Variants in TMEM130 observed in about 807,000 individuals in gnomAD.
TMEM130 encodes transmembrane protein 130.
A neutral mutation model predicts 42.9 loss-of-function variants in TMEM130; 37 were observed. That is an observed-to-expected ratio of 0.86 (90% CI 0.66 to 1.13). The LOEUF is 1.13. TMEM130 is among the 50% of genes most tolerant of loss of function. The pLI, the probability that TMEM130 is intolerant of heterozygous loss-of-function variation, is 0.00. For missense variants in TMEM130, 545 were observed against 562.6 expected (o/e 0.97, Z 0.32); for synonymous variants, 259 against 237.7 (o/e 1.09, Z -0.82).
In TMEM130 at chr7:98,856,180, G is replaced by C. The variant is rs997267346; in HGVS notation, c.555C>G (p.Thr185=). 1 of 1,613,432 alleles carries C rather than the reference G, an allele frequency of 6.2e-7. No individual in the cohort carries two copies. ...FLYSWDFGDG[T]QMVTEDSVVY... is the part of the protein sequence containing the mutation. ...CCACGGAGTCTTCAGTCACCATCTG[G>C]GTCCTGTTAGGAGACAGGGAGGAGA... The change falls in exon 4 of 8, where the codon ACC becomes ACG. Residue 185 remains threonine (T), a synonymous_variant. Coordinates refer to ENST00000339375, the MANE Select transcript of TMEM130 (RefSeq NM_152913.3).
intron 2 of TMEM130, among the ~76,000 whole-genome samples, chr7:98,862,872 C>T (rs548078020): frequency 2.6e-5 from 4 of 152,264 alleles, no homozygotes; most frequent in African/African-American, 9.6e-5. Flanking sequence ...TAATGTATAC[C>T]CTCAGCAGCA....
intron 2 of TMEM130, among the ~76,000 whole-genome samples, chr7:98,861,376 A>G (rs1032852809): frequency 1.3e-5 from 2 of 151,898 alleles, no homozygotes; most frequent in Non-Finnish European, 2.9e-5. Context: ...CACTGATCAC[A>G]GCTTCACACG....
chr7:98,855,212 C>A, intron 5 of TMEM130, 28 bp downstream of exon 5: 1 of 1,597,824 alleles, frequency 6.3e-7, no homozygotes, highest in Non-Finnish European at 8.6e-7. Context: ...CCACGGGGCA[C>A]CCCCAGTGCG....
intron 6 of TMEM130, among the ~76,000 whole-genome samples, chr7:98,849,631 C>G (rs1554397899): frequency 1.3e-5 from 2 of 152,092 alleles, no homozygotes; most frequent in Non-Finnish European, 2.9e-5. Flanking sequence ...GGGACAGTGA[C>G]AGCTTCAGGT....
intron 6 of TMEM130, among the ~76,000 whole-genome samples, chr7:98,850,271 A>ATT (rs1290884464): frequency 4.8e-3 from 161 of 33,872 alleles, no homozygotes; most frequent in South Asian, 8.9e-3. Flanking sequence ...ATATATATAT[A>ATT]TATTTTTTTT....
rs57165730 is a variant in TMEM130 at position 98,862,487 on chromosome 7, CTTTTTTTTTTTT to C, written c.391+596_391+607del. ...ACTGGCCCCAAGACTACAATAATTTCTTTTTTTTTTTTTTTTTTTTTTTTTTTTTGAGATGCA... is the reference window on the plus strand; with the variant it reads ...ACTGGCCCCAAGACTACAATAATTTCTTTTTTTTTTTTTTTTTGAGATGCA... On this transcript the variant is annotated intron_variant, in intron 2 of 7. Coordinates refer to ENST00000339375, the MANE Select transcript of TMEM130 (RefSeq NM_152913.3). Among the ~76,000 whole-genome samples, 137 of 65,790 alleles carry C rather than the reference CTTTTTTTTTTTT, an allele frequency of 2.1e-3. 2 individuals carry two copies. Among genetic ancestry groups the C allele is most frequent in the African/African-American group, 6.1e-3 (111 of 18,188 alleles). The allele number at this position is 65,790 out of a possible 152,430, so 43.2% of individuals were successfully genotyped here.
At chr7:98,849,944 T>C (rs900033223) in intron 6 of TMEM130, among the ~76,000 whole-genome samples, 2 of 152,006 alleles carry the variant, frequency 1.3e-5, no homozygotes, top group African/African-American at 2.4e-5. Context: ...TAGAACCCAA[T>C]GCTGTCATCA....
intron 6 of TMEM130, among the ~76,000 whole-genome samples, chr7:98,850,570 C>T (rs529522334): frequency 5.9e-5 from 9 of 151,958 alleles, no homozygotes; most frequent in Non-Finnish European, 1.3e-4. Flanking sequence ...CGAGCCACCG[C>T]ATCTGTCCTA....
At chr7:98,860,680 C>T (rs1794751164) in intron 2 of TMEM130, among the ~76,000 whole-genome samples, 1 of 152,160 alleles carries the variant, frequency 6.6e-6, no homozygotes, top group African/African-American at 2.4e-5. Flanking sequence ...TGCGGTGGCT[C>T]ACACCTGTAA....
chr7:98,858,829 GTGTC>G (rs1794691305), intron 3 of TMEM130, among the ~76,000 whole-genome samples: 1 of 151,842 alleles, frequency 6.6e-6, no homozygotes, highest in Admixed American at 6.6e-5. Context: ...TCTAGCCTGA[GTGTC>G]TGACCACAGG....
chr7:98,850,269 A>ATTTTTTTTTTTTTTT (rs1244635646), intron 6 of TMEM130, among the ~76,000 whole-genome samples: 25 of 30,142 alleles, frequency 8.3e-4, no homozygotes, highest in Non-Finnish European at 1.1e-3. Flanking sequence ...ATATATATAT[A>ATTTTTTTTTTTTTTT]TATATTTTTT....
intron 3 of TMEM130, among the ~76,000 whole-genome samples, chr7:98,857,677 G>A (rs914766883): frequency 1.3e-5 from 2 of 150,472 alleles, no homozygotes; most frequent in African/African-American, 4.9e-5. Context: ...TCCAGCCTGG[G>A]CAACAGAGCG....
Position 98,848,023 on chromosome 7 carries a change from T to C in TMEM130, c.*33A>G, listed in dbSNP as rs554063094. Reference sequence around the variant, plus strand: ...CTGGAAACTCCAAGTCAGCAGTCAGTTAACACTGAGATGGGGTGGGGAGGG... The same window carrying C: ...CTGGAAACTCCAAGTCAGCAGTCAGCTAACACTGAGATGGGGTGGGGAGGG... On this transcript the variant is annotated 3_prime_UTR_variant, in exon 8 of 8. Coordinates refer to ENST00000339375, the MANE Select transcript of TMEM130 (RefSeq NM_152913.3). The C allele has an allele frequency of 6.3e-7, 1 of 1,597,150 alleles. No individual in the cohort carries two copies. The highest frequency in any genetic ancestry group is 2.2e-5 in the East Asian group (1 of 44,768).
At chr7:98,850,273 A>ATTTTTTTT (rs1554398023) in intron 6 of TMEM130, among the ~76,000 whole-genome samples, 1 of 35,450 alleles carries the variant, frequency 2.8e-5, no homozygotes, top group African/African-American at 7.6e-5. Flanking sequence ...ATATATATAT[A>ATTTTTTTT]TTTTTTTTTT....
chr7:98,863,085 C>T lies in TMEM130; in HGVS notation c.391+10G>A, dbSNP rs761447682. On this transcript the variant is annotated intron_variant, in intron 2 of 7. Transcript: ENST00000339375. ...TTGAAGGCAAACTAGCAAATGGGAG[C>T]GACCCTCACCTGTGATGGGGAGGAC... 91 of 1,602,380 alleles carry T rather than the reference C, an allele frequency of 5.7e-5. No homozygotes were observed. Among genetic ancestry groups the T allele is most frequent in the East Asian group, 8.9e-5 (4 of 44,732 alleles).
intron 5 of TMEM130, among the ~76,000 whole-genome samples, chr7:98,854,199 G>A (rs782720345): frequency 1.3e-5 from 2 of 151,800 alleles, no homozygotes; most frequent in African/African-American, 2.4e-5. Context: ...CACAGCACCC[G>A]GCCTCAGAAA....
intron 2 of TMEM130, among the ~76,000 whole-genome samples, chr7:98,860,771 C>T (rs1237641794): frequency 6.6e-6 from 1 of 150,916 alleles, no homozygotes; most frequent in African/African-American, 2.4e-5. Context: ...GGTGAAACCC[C>T]GTCACTACTA....
At chr7:98,862,608 C>T (rs1356071812) in intron 2 of TMEM130, among the ~76,000 whole-genome samples, 4 of 148,382 alleles carry the variant, frequency 2.7e-5, no homozygotes, top group African/African-American at 7.6e-5. Context: ...AAGCGATTCT[C>T]CTGCTTCAGC....
chr7:98,848,039 G>A lies in TMEM130; in HGVS notation c.*17C>T, dbSNP rs368941843. The A allele has an allele frequency of 1.2e-6, 2 of 1,607,560 alleles. No homozygotes were observed. The highest frequency in any genetic ancestry group is 1.7e-6 in the Non-Finnish European group (2 of 1,176,062). On this transcript the variant is annotated 3_prime_UTR_variant, in exon 8 of 8. Transcript: ENST00000339375. ...AGCAGTCAGTTAACACTGAGATGGGGTGGGGAGGGGGAGTGCTCACACGGT... is the reference window on the plus strand; with the variant it reads ...AGCAGTCAGTTAACACTGAGATGGGATGGGGAGGGGGAGTGCTCACACGGT...
Sources: gnomAD v4.1 joint callset for allele counts (sites outside exome capture counted in the v4.1 genomes callset) on GRCh38, gnomAD v4.1.1 for gene constraint, MANE v1.5 for transcripts, NCBI Gene and HGNC (gene_info 2026-07-23, HGNC 2026-07-21) for gene names.